Variants in INSC observed in about 807,000 individuals in gnomAD.
The protein encoded by INSC is protein inscuteable homolog.
In INSC, 67 loss-of-function variants were observed where a neutral mutation model predicts 58.6. The ratio of observed to expected loss-of-function variants is 1.14; its 90% CI spans 0.94 to 1.40. The LOEUF is 1.40. Ranked by LOEUF, INSC falls within the 40% of genes most tolerant of loss-of-function variation. The pLI is 0.00. For missense variants in INSC, 714 were observed against 692.0 expected (o/e 1.03, Z -0.36); for synonymous variants, 262 against 276.1 (o/e 0.95, Z 0.51).
rs1423675140 is a variant in INSC at position 15,183,164 on chromosome 11, A to G, written c.579+4717A>G. On this transcript the variant is annotated intron_variant, in intron 5 of 12. Transcript: ENST00000379556. Reference sequence around the variant, plus strand: ...GGAGCTCGAGACCAGCCTGACCAACATAAAGAAACCCTGTCTCTACTAAAA... The same window carrying G: ...GGAGCTCGAGACCAGCCTGACCAACGTAAAGAAACCCTGTCTCTACTAAAA... Among the ~76,000 whole-genome samples, 5 of 152,160 alleles carry G rather than the reference A, an allele frequency of 3.3e-5. 1 individual carries two copies. The highest frequency in any genetic ancestry group is 4.2e-4 in the South Asian group (2 of 4,808).
upstream of INSC, among the ~76,000 whole-genome samples, chr11:15,114,601 G>A (rs1436303959): frequency 3.3e-5 from 5 of 152,146 alleles, no homozygotes; most frequent in East Asian, 9.7e-4. Flanking sequence ...CGCGGCTCCC[G>A]GGCGATCACC....
At chr11:15,178,490 C>G in intron 5 of INSC, 43 bp downstream of exon 5, 1 of 1,587,068 alleles carries the variant, frequency 6.3e-7, no homozygotes, top group Non-Finnish European at 8.5e-7. Flanking sequence ...TTGTGTGGAC[C>G]CTTGGAGGAA....
chr11:15,201,814 G>C (rs1850603089), intron 7 of INSC, among the ~76,000 whole-genome samples: 1 of 152,174 alleles, frequency 6.6e-6, no homozygotes, highest in Admixed American at 6.5e-5. Context: ...ATCTGAGTCT[G>C]TTCCTGTTAG....
At chr11:15,263,404 G>A in the INSC span, among the ~76,000 whole-genome samples, 5 of 151,930 alleles carry the variant, frequency 3.3e-5, no homozygotes, top group South Asian at 4.1e-4. Context: ...TAAATAAAAA[G>A]AAATCCATAT....
intron 1 of INSC, among the ~76,000 whole-genome samples, chr11:15,141,403 T>C (rs1484207251): frequency 1.3e-5 from 2 of 152,202 alleles, no homozygotes; most frequent in African/African-American, 4.8e-5. Flanking sequence ...CTCTACCTGA[T>C]GCAAGTCGTT....
At chr11:15,213,096 A>G (rs1259833432) in intron 7 of INSC, among the ~76,000 whole-genome samples, 1 of 151,808 alleles carries the variant, frequency 6.6e-6, no homozygotes, top group Non-Finnish European at 1.5e-5. Context: ...TATCTCTAGA[A>G]CAGTGCTGCT....
downstream of INSC, among the ~76,000 whole-genome samples, chr11:15,248,961 T>C (rs188238764): frequency 8.7e-4 from 133 of 152,152 alleles, 1 homozygote; most frequent in Non-Finnish European, 5.1e-4. Flanking sequence ...AGTGAGATAA[T>C]AGTGTTACCA....
chr11:15,179,564 C>G (rs1018016356), intron 5 of INSC, among the ~76,000 whole-genome samples: 2 of 152,206 alleles, frequency 1.3e-5, no homozygotes, highest in African/African-American at 4.8e-5. Flanking sequence ...ACCCCCACTC[C>G]TCCCACAGGC....
chr11:15,218,423 A>T (rs552902212), intron 7 of INSC, among the ~76,000 whole-genome samples: 8 of 152,282 alleles, frequency 5.3e-5, no homozygotes, highest in African/African-American at 1.9e-4. Context: ...GAGAAATCAG[A>T]GGTATGAGAT....
chr11:15,192,603 G>A (rs1328476908), intron 6 of INSC, among the ~76,000 whole-genome samples: 1 of 152,192 alleles, frequency 6.6e-6, no homozygotes, highest in African/African-American at 2.4e-5. Context: ...GAATGAGAAA[G>A]TTACAAATTC....
At chr11:15,147,486 G>A (rs574529529) in intron 1 of INSC, among the ~76,000 whole-genome samples, 15 of 152,254 alleles carry the variant, frequency 9.9e-5, no homozygotes, top group South Asian at 4.1e-4. Flanking sequence ...ATTCTTCCAC[G>A]TTCCTAATCT....
intron 2 of INSC, among the ~76,000 whole-genome samples, chr11:15,170,824 A>G (rs966995511): frequency 6.6e-6 from 1 of 152,122 alleles, no homozygotes; most frequent in Non-Finnish European, 1.5e-5. Flanking sequence ...AGACAGATAC[A>G]GGCATCCAGA....
At chr11:15,157,008 G>T (rs1848837743) in intron 2 of INSC, among the ~76,000 whole-genome samples, 1 of 152,136 alleles carries the variant, frequency 6.6e-6, no homozygotes, top group South Asian at 2.1e-4. Context: ...TTGTGTTTGA[G>T]TCTGCCAGAC....
chr11:15,156,053 A>G (rs74671360), intron 2 of INSC, among the ~76,000 whole-genome samples: 2,279 of 152,292 alleles, frequency 0.015, 27 homozygotes, highest in Middle Eastern at 0.024. Flanking sequence ...GGGAATGAGG[A>G]GACCTCTAGG....
rs138536079 is a variant in INSC at position 15,187,330 on chromosome 11, C to T, written c.580-3371C>T. ...ATTCAAGGGAAGGGGAATTAGAACT[C>T]ATCTCTCTATAAAAGAAGTAGAAAA... On this transcript the variant is annotated intron_variant, in intron 5 of 12. Transcript: ENST00000379556. 1.4e-4 allele frequency among the ~76,000 whole-genome samples: 22 copies of T among 152,342 alleles called. 1 individual carries two copies. In the East Asian group the frequency reaches 3.7e-3, roughly 25 times the overall value.
At chr11:15,232,581 T>G (rs1851965054) in intron 9 of INSC, among the ~76,000 whole-genome samples, 1 of 152,162 alleles carries the variant, frequency 6.6e-6, no homozygotes, top group South Asian at 2.1e-4. Flanking sequence ...TTTCTTGTGG[T>G]AGGGCCCCCA....
chr11:15,219,356 G>A (rs759707799), intron 7 of INSC, among the ~76,000 whole-genome samples: 9 of 152,136 alleles, frequency 5.9e-5, no homozygotes, highest in Non-Finnish European at 8.8e-5. Context: ...ATTAAGTCAG[G>A]GTAGCCTCCA....
At chr11:15,185,521 G>T (rs568115010) in intron 5 of INSC, among the ~76,000 whole-genome samples, 1 of 151,922 alleles carries the variant, frequency 6.6e-6, no homozygotes, top group African/African-American at 2.4e-5. Context: ...ACCAAGAAAA[G>T]ATTTTTTTTT....
chr11:15,117,425 G>T (rs1374597952), intron 1 of INSC, among the ~76,000 whole-genome samples: 1 of 152,144 alleles, frequency 6.6e-6, no homozygotes, highest in African/African-American at 2.4e-5. Context: ...AAAAAGGGCA[G>T]GCTATGGTCA....
Sources: allele counts gnomAD v4.1 joint callset (sites outside exome capture counted in the v4.1 genomes callset), GRCh38; gene constraint gnomAD v4.1.1; transcripts MANE v1.5; gene names NCBI Gene and HGNC (gene_info 2026-07-23, HGNC 2026-07-21).